Variants in CTNNA2 observed in about 807,000 individuals in gnomAD.
CTNNA2 encodes catenin alpha 2.
In CTNNA2, 42 loss-of-function variants were observed where a neutral mutation model predicts 101.0. The observed-to-expected ratio is 0.42, with a 90% CI of 0.32 to 0.54. The LOEUF (loss-of-function observed/expected upper bound fraction) is 0.54, where lower values mean the gene tolerates loss of function less well. CTNNA2 is among the 20% of genes least tolerant of loss of function. CTNNA2 has a pLI of 0.14. For missense variants in CTNNA2, 871 were observed against 1,223.1 expected (o/e 0.71, Z 4.29); for synonymous variants, 450 against 456.4 (o/e 0.99, Z 0.18).
intron 7 of CTNNA2, among the ~76,000 whole-genome samples, chr2:80,278,522 A>AG (rs1161105404): frequency 1.3e-5 from 2 of 152,036 alleles, no homozygotes; most frequent in Admixed American, 6.6e-5. Flanking sequence ...TTCACATGGT[A>AG]GGGGGGCAGG....
chr2:80,088,718 AAAAG>A, intron 7 of CTNNA2, among the ~76,000 whole-genome samples: 1 of 152,050 alleles, frequency 6.6e-6, no homozygotes, highest in East Asian at 1.9e-4. Context: ...TTATGGGAGA[AAAAG>A]AAAGAAAGAA....
chr2:79,684,628 TTACTG>T (rs2104662570), intron 2 of CTNNA2, among the ~76,000 whole-genome samples: 1 of 152,306 alleles, frequency 6.6e-6, no homozygotes, highest in African/African-American at 2.4e-5. Flanking sequence ...TTCCAATACT[TTACTG>T]TGTTATTTGA....
chr2:80,193,532 T>A (rs1706656144), intron 7 of CTNNA2, among the ~76,000 whole-genome samples: 1 of 152,188 alleles, frequency 6.6e-6, no homozygotes, highest in South Asian at 2.1e-4. Flanking sequence ...AGATAGTAAG[T>A]TGCCTTCACA....
chr2:79,656,954 A>G (rs1681652556), intron 2 of CTNNA2, among the ~76,000 whole-genome samples: 3 of 151,954 alleles, frequency 2.0e-5, no homozygotes. Flanking sequence ...CTAACAAAAT[A>G]GGCACATCCA....
intron 4 of CTNNA2, among the ~76,000 whole-genome samples, chr2:79,397,842 G>A (rs754922188): frequency 2.2e-4 from 33 of 151,822 alleles, no homozygotes; most frequent in Non-Finnish European, 4.6e-4. Flanking sequence ...ATAATTTCTT[G>A]TAGAGACAGT....
At chr2:80,048,153 T>A (rs1369021730) in intron 7 of CTNNA2, among the ~76,000 whole-genome samples, 1 of 152,164 alleles carries the variant, frequency 6.6e-6, no homozygotes, top group Non-Finnish European at 1.5e-5. Flanking sequence ...CAACAGAGTA[T>A]CCAGTTAAAT....
intron 7 of CTNNA2, among the ~76,000 whole-genome samples, chr2:80,357,505 A>G (rs1673953232): frequency 1.3e-5 from 2 of 152,054 alleles, no homozygotes. Context: ...CACAAAGCAG[A>G]TGCCTCTATG....
intron 1 of CTNNA2, among the ~76,000 whole-genome samples, chr2:79,557,827 C>A (rs1007584427): frequency 6.6e-6 from 1 of 151,906 alleles, no homozygotes; most frequent in Admixed American, 6.6e-5. Context: ...GTATTGACAT[C>A]TATTATTTTT....
At chr2:79,371,039 C>G (rs1174413919) in intron 3 of CTNNA2, among the ~76,000 whole-genome samples, 1 of 152,038 alleles carries the variant, frequency 6.6e-6, no homozygotes, top group Non-Finnish European at 1.5e-5. Context: ...CCTTGCCACT[C>G]AGAGAAGTTT....
intron 7 of CTNNA2, among the ~76,000 whole-genome samples, chr2:80,146,746 A>G (rs1703371780): frequency 4.7e-5 from 2 of 42,474 alleles, no homozygotes; most frequent in Non-Finnish European, 1.1e-4. Flanking sequence ...TTTTTTTGAG[A>G]CAGAGTCTTC....
chr2:79,527,404 G>A (rs989279260), intron 1 of CTNNA2, among the ~76,000 whole-genome samples: 6 of 150,316 alleles, frequency 4.0e-5, no homozygotes, highest in African/African-American at 7.4e-5. Context: ...AGGCCAAGGC[G>A]GTGGATCACA....
At chr2:80,179,365 G>C (rs532993146) in intron 7 of CTNNA2, among the ~76,000 whole-genome samples, 13 of 151,688 alleles carry the variant, frequency 8.6e-5, no homozygotes, top group Admixed American at 7.9e-4. Flanking sequence ...TGTCTTTCAA[G>C]TTTTTTTTTG....
chr2:80,079,677 G>A (rs1426557951), intron 7 of CTNNA2, among the ~76,000 whole-genome samples: 1 of 151,876 alleles, frequency 6.6e-6, no homozygotes, highest in East Asian at 1.9e-4. Context: ...AGCCGGGCGT[G>A]GTGGCGGGCG....
chr2:80,476,027 A>G (rs1685701756), intron 9 of CTNNA2, among the ~76,000 whole-genome samples: 1 of 152,182 alleles, frequency 6.6e-6, no homozygotes, highest in Non-Finnish European at 1.5e-5. Context: ...CCCAGTCACC[A>G]GATCTCCTGG....
chr2:80,261,524 G>A (rs192119418), intron 7 of CTNNA2, among the ~76,000 whole-genome samples: 2 of 152,106 alleles, frequency 1.3e-5, no homozygotes, highest in East Asian at 3.9e-4. Flanking sequence ...TAGGAGAGGC[G>A]GGTTTCACTT....
intron 7 of CTNNA2, among the ~76,000 whole-genome samples, chr2:80,283,662 A>G (rs1674546662): frequency 6.6e-6 from 1 of 152,100 alleles, no homozygotes; most frequent in African/African-American, 2.4e-5. Context: ...AATAGATGAT[A>G]ACAGGTTGGA....
At chr2:79,948,263 T>C (rs1318986496) in intron 7 of CTNNA2, among the ~76,000 whole-genome samples, 5 of 152,236 alleles carry the variant, frequency 3.3e-5, no homozygotes, top group African/African-American at 1.2e-4. Flanking sequence ...AGTACATCCA[T>C]GGTTGCCGGC....
intron 1 of CTNNA2, among the ~76,000 whole-genome samples, chr2:79,544,777 T>C (rs1673630650): frequency 6.6e-6 from 1 of 152,152 alleles, no homozygotes; most frequent in South Asian, 2.1e-4. Context: ...CCAAGTGGCC[T>C]AACAAAGAAA....
At chr2:79,867,621 G>A (rs1157694281) in intron 4 of CTNNA2, among the ~76,000 whole-genome samples, 2 of 152,002 alleles carry the variant, frequency 1.3e-5, no homozygotes, top group Non-Finnish European at 2.9e-5. Context: ...GTGTTTCTTT[G>A]GAAAAATATT....
Sources: allele counts gnomAD v4.1 joint callset (sites outside exome capture counted in the v4.1 genomes callset), GRCh38; gene constraint gnomAD v4.1.1; transcripts MANE v1.5; gene names NCBI Gene and HGNC (gene_info 2026-07-23, HGNC 2026-07-21).